SLC2A9: variants seen among roughly 807,000 people sequenced by gnomAD.
SLC2A9 encodes solute carrier family 2, facilitated glucose transporter member 9.
Under a neutral mutation model 50.6 loss-of-function variants are expected in SLC2A9, and 39 were observed. That is an observed-to-expected ratio of 0.77 (90% CI 0.60 to 1.01). The LOEUF (loss-of-function observed/expected upper bound fraction) is 1.01. Among genes scored for constraint, SLC2A9 ranks in the 50% least tolerant of loss-of-function variants. The pLI is 0.00. For synonymous variants in SLC2A9, 324 were observed against 276.9 expected (o/e 1.17, Z -1.69); for missense variants, 686 against 677.6 (o/e 1.01, Z -0.14).
chr4:10,003,284 G>A (rs1227322566), intron 2 of SLC2A9, among the ~76,000 whole-genome samples: 1 of 152,152 alleles, frequency 6.6e-6, no homozygotes, highest in African/African-American at 2.4e-5. Context: ...AGTAATGACT[G>A]GCTTCCTGGA....
At chr4:9,837,346 A>G (rs958761497) in intron 10 of SLC2A9, among the ~76,000 whole-genome samples, 2 of 152,214 alleles carry the variant, frequency 1.3e-5, no homozygotes, top group Non-Finnish European at 2.9e-5. Flanking sequence ...TCTGCAAAAT[A>G]TTTCATTGTC....
At chr4:9,992,547 C>T (rs1445644995) in intron 3 of SLC2A9, among the ~76,000 whole-genome samples, 2 of 152,192 alleles carry the variant, frequency 1.3e-5, no homozygotes, top group African/African-American at 4.8e-5. Flanking sequence ...TGCAACCTCG[C>T]TCAAGTCAAA....
At chr4:9,874,913 T>C (rs1265245269) in intron 10 of SLC2A9, among the ~76,000 whole-genome samples, 3 of 147,694 alleles carry the variant, frequency 2.0e-5, no homozygotes, top group Non-Finnish European at 4.5e-5. Context: ...TAAGATGGGA[T>C]GCTGTGTCTT....
downstream of SLC2A9, among the ~76,000 whole-genome samples, chr4:9,822,613 G>A (rs146488248): frequency 7.9e-3 from 1,194 of 152,008 alleles, 38 homozygotes; most frequent in East Asian, 0.068. Context: ...CATATAGATG[G>A]GCCTTCAAAA....
At chr4:9,892,774 C>T (rs541827853) in intron 8 of SLC2A9, among the ~76,000 whole-genome samples, 2 of 152,098 alleles carry the variant, frequency 1.3e-5, no homozygotes, top group African/African-American at 4.8e-5. Flanking sequence ...CAACTCTTAC[C>T]CGTAGCTGGC....
intron 7 of SLC2A9, among the ~76,000 whole-genome samples, chr4:9,913,682 T>C (rs1742325093): frequency 6.6e-6 from 1 of 152,286 alleles, no homozygotes; most frequent in African/African-American, 2.4e-5. Flanking sequence ...TGTATCTGCC[T>C]CCTGCAGGAA....
chr4:9,965,778 T>C (rs1051886034), intron 5 of SLC2A9, among the ~76,000 whole-genome samples: 3 of 152,264 alleles, frequency 2.0e-5, no homozygotes, highest in African/African-American at 7.2e-5. Flanking sequence ...TGTAAATTTA[T>C]ATAGTTGTAT....
Position 9,985,810 on chromosome 4 carries a change from G to T in SLC2A9, c.411-17C>A. On this transcript the variant is annotated splice_polypyrimidine_tract_variant and intron_variant, in intron 3 of 11. Coordinates refer to ENST00000264784, the MANE Select transcript of SLC2A9 (RefSeq NM_020041.3). ...GTGTGCTTCCTGGAAAGAAAGGAAA[G>T]ATTTGATGAAGATGTCTAACCATGA... 6.2e-7 allele frequency: 1 copy of T among 1,613,978 alleles called. No individual in the cohort carries two copies. The highest frequency in any genetic ancestry group is 8.5e-7 in the Non-Finnish European group (1 of 1,179,858).
intron 3 of SLC2A9, among the ~76,000 whole-genome samples, chr4:9,814,907 C>T (rs55686745): frequency 0.022 from 3,413 of 151,948 alleles, 57 homozygotes; most frequent in East Asian, 0.073. Flanking sequence ...TACTAGATGT[C>T]AAAGTGCCAC....
At chr4:9,842,055 G>A (rs867433694) in intron 10 of SLC2A9, among the ~76,000 whole-genome samples, 1 of 151,860 alleles carries the variant, frequency 6.6e-6, no homozygotes, top group African/African-American at 2.4e-5. Flanking sequence ...CTAGGTATGT[G>A]ATATATTTCC....
intron 10 of SLC2A9, among the ~76,000 whole-genome samples, chr4:9,838,198 A>C (rs1303103438): frequency 6.6e-6 from 1 of 152,132 alleles, no homozygotes; most frequent in Admixed American, 6.5e-5. Flanking sequence ...TTTCTTAGCA[A>C]GAAGTGATGG....
chr4:9,908,689 C>G (rs181444486), intron 7 of SLC2A9, among the ~76,000 whole-genome samples: 2 of 152,192 alleles, frequency 1.3e-5, no homozygotes, highest in Admixed American at 6.5e-5. Context: ...TCTCCTAATG[C>G]TATCCCTCCC....
At chr4:9,919,468 T>C (rs1743503635) in intron 7 of SLC2A9, among the ~76,000 whole-genome samples, 1 of 152,150 alleles carries the variant, frequency 6.6e-6, no homozygotes, top group Non-Finnish European at 1.5e-5. Context: ...CCCCTTCACA[T>C]CACCTTCCCT....
At chr4:9,903,647 G>C (rs895448977) in intron 8 of SLC2A9, among the ~76,000 whole-genome samples, 24 of 152,064 alleles carry the variant, frequency 1.6e-4, no homozygotes, top group African/African-American at 5.5e-4. Context: ...CATTTTAATA[G>C]ACTGTCAAAA....
chr4:10,018,866 C>A, intron 2 of SLC2A9, 109 bp downstream of exon 2: 3 of 1,082,882 alleles, frequency 2.8e-6, no homozygotes, highest in Admixed American at 2.2e-5. Context: ...CCCGCGGTGT[C>A]CCGCGCCGCG....
downstream of SLC2A9, among the ~76,000 whole-genome samples, chr4:9,797,107 A>C (rs780439284): frequency 2.6e-5 from 4 of 152,184 alleles, no homozygotes; most frequent in Non-Finnish European, 4.4e-5. Context: ...AAGTGTTCCA[A>C]GAACCAGGGA....
intron 6 of SLC2A9, among the ~76,000 whole-genome samples, chr4:9,930,356 AAG>A (rs1486871521): frequency 6.6e-6 from 1 of 152,190 alleles, no homozygotes; most frequent in Non-Finnish European, 1.5e-5. Context: ...CAGGGTGAAA[AAG>A]AGGGTAGGAG....
chr4:9,833,269 T>G (rs2109131656), intron 11 of SLC2A9, among the ~76,000 whole-genome samples: 1 of 152,298 alleles, frequency 6.6e-6, no homozygotes, highest in Middle Eastern at 3.4e-3. Flanking sequence ...CCAGCAGCCC[T>G]TACGTTTCAG....
chr4:9,927,853 G>C (rs916620154), intron 6 of SLC2A9, among the ~76,000 whole-genome samples: 2 of 152,116 alleles, frequency 1.3e-5, no homozygotes, highest in Admixed American at 6.5e-5. Context: ...GGGTGCCTTC[G>C]ATCTGTCTTT....
Sources: gnomAD v4.1 joint callset for allele counts (sites outside exome capture counted in the v4.1 genomes callset) on GRCh38, gnomAD v4.1.1 for gene constraint, MANE v1.5 for transcripts, NCBI Gene and HGNC (gene_info 2026-07-23, HGNC 2026-07-21) for gene names.